The following RABGAP1L variants were observed in gnomAD, a reference collection of about 807,000 sequenced individuals.
The protein encoded by RABGAP1L is rab GTPase-activating protein 1-like.
Under a neutral mutation model 137.7 loss-of-function variants are expected in RABGAP1L, and 63 were observed. The ratio of observed to expected loss-of-function variants is 0.46; its 90% confidence interval spans 0.37 to 0.56. RABGAP1L has a LOEUF of 0.56. Ranked by LOEUF, RABGAP1L falls within the 20% of genes least tolerant of loss-of-function variation. The probability of loss-of-function intolerance (pLI) is 0.00; values close to 1 mark genes in which losing one functional copy is unlikely to be tolerated. For missense variants in RABGAP1L, 1,095 were observed against 1,244.0 expected, an observed-to-expected ratio of 0.88 and a Z score of 1.80; for synonymous variants, 431 against 433.7, an observed-to-expected ratio of 0.99 and a Z score of 0.08.
rs114127843 is a variant in RABGAP1L, at chr1:174,822,569, T to G, written c.2340+10609T>G. Among the ~76,000 whole-genome samples the G allele has an allele frequency of 3.3e-3, 507 of 152,326 alleles. 2 individuals carry two copies. Among genetic ancestry groups the G allele is most frequent in the African/African-American group, 0.012 (492 of 41,576 alleles). ...CAGTGGTCTCCTACCAGGGATCATT[T>G]TCATGGAAGACAATTTTTCCATGGT... On this transcript the variant is annotated intron_variant, in intron 19 of 25. Transcript: ENST00000681986.
At chr1:174,205,073 C>T (rs1486810086) in intron 1 of RABGAP1L, among the ~76,000 whole-genome samples, 1 of 152,028 alleles carries the variant, frequency 6.6e-6, no homozygotes, top group Admixed American at 6.6e-5. Flanking sequence ...TGGTTTTTGT[C>T]TTTAGTTCTG....
chr1:174,505,780 C>T (rs1558291841), intron 13 of RABGAP1L, among the ~76,000 whole-genome samples: 1 of 152,082 alleles, frequency 6.6e-6, no homozygotes, highest in Admixed American at 6.5e-5. Flanking sequence ...CCATAGGATC[C>T]AGTAATCCCA....
chr1:174,823,047 A>G (rs1442873761), intron 19 of RABGAP1L, among the ~76,000 whole-genome samples: 1 of 152,236 alleles, frequency 6.6e-6, no homozygotes, highest in Non-Finnish European at 1.5e-5. Flanking sequence ...GCCTTTATAG[A>G]CGTTCCAAAA....
intron 11 of RABGAP1L, among the ~76,000 whole-genome samples, chr1:174,368,495 G>T (rs1310071532): frequency 1.3e-5 from 2 of 152,162 alleles, no homozygotes; most frequent in Non-Finnish European, 2.9e-5. Context: ...CTCTGTCAAT[G>T]TAATTGGTAG....
chr1:174,192,566 C>T (rs1667287249), intron 1 of RABGAP1L, among the ~76,000 whole-genome samples: 1 of 152,136 alleles, frequency 6.6e-6, no homozygotes, highest in African/African-American at 2.4e-5. Flanking sequence ...AGGTGATCCA[C>T]CTGTCTCGGC....
At chr1:174,502,008 T>C (rs1380908374) in intron 13 of RABGAP1L, among the ~76,000 whole-genome samples, 1 of 151,642 alleles carries the variant, frequency 6.6e-6, no homozygotes, top group African/African-American at 2.4e-5. Flanking sequence ...CTATTATCTT[T>C]GGAAACTCTT....
chr1:174,207,372 A>C (rs748474408), intron 1 of RABGAP1L, among the ~76,000 whole-genome samples: 34 of 152,156 alleles, frequency 2.2e-4, no homozygotes, highest in Non-Finnish European at 3.7e-4. Context: ...ATTTCTTTTG[A>C]TTTGAAATAA....
At chr1:174,735,168 G>GGTCTTGCC (rs796970504) in intron 17 of RABGAP1L, among the ~76,000 whole-genome samples, 10 of 151,426 alleles carry the variant, frequency 6.6e-5, no homozygotes, top group African/African-American at 2.4e-4. Context: ...GTAGAGACAG[G>GGTCTTGCC]GTCTTGCCAT....
intron 13 of RABGAP1L, among the ~76,000 whole-genome samples, chr1:174,554,751 G>T (rs1666768711): frequency 6.6e-6 from 1 of 151,956 alleles, no homozygotes; most frequent in Non-Finnish European, 1.5e-5. Flanking sequence ...ATGTTTGTGG[G>T]GGGTGAGTCT....
At chr1:174,524,636 T>G (rs1663717397) in intron 13 of RABGAP1L, among the ~76,000 whole-genome samples, 1 of 152,202 alleles carries the variant, frequency 6.6e-6, no homozygotes, top group Non-Finnish European at 1.5e-5. Context: ...GTGCAGAAGC[T>G]TATTAGTTTA....
intron 22 of RABGAP1L, among the ~76,000 whole-genome samples, chr1:174,977,250 A>G (rs1226313874): frequency 6.6e-6 from 1 of 152,218 alleles, no homozygotes; most frequent in African/African-American, 2.4e-5. Flanking sequence ...TGATTTAATG[A>G]GTCTTTGGCA....
chr1:174,216,147 G>C (rs1444030163), intron 1 of RABGAP1L, among the ~76,000 whole-genome samples: 1 of 152,136 alleles, frequency 6.6e-6, no homozygotes, highest in East Asian at 1.9e-4. Flanking sequence ...AGCTGAAAAG[G>C]GTAGTGGGAA....
chr1:174,557,526 C>T (rs1666954518), intron 13 of RABGAP1L, among the ~76,000 whole-genome samples: 1 of 152,212 alleles, frequency 6.6e-6, no homozygotes, highest in South Asian at 2.1e-4. Flanking sequence ...GATGTAAGAG[C>T]AGGTGCTAGC....
intron 11 of RABGAP1L, among the ~76,000 whole-genome samples, chr1:174,337,543 A>C (rs1681594875): frequency 6.6e-6 from 1 of 152,208 alleles, no homozygotes; most frequent in Non-Finnish European, 1.5e-5. Flanking sequence ...GATTTGAGCT[A>C]GGACATAGCA....
intron 13 of RABGAP1L, among the ~76,000 whole-genome samples, chr1:174,403,850 A>G (rs1348335179): frequency 1.3e-5 from 2 of 150,970 alleles, no homozygotes; most frequent in Non-Finnish European, 3.0e-5. Flanking sequence ...TTTGCATTCT[A>G]AAATTTGACT....
intron 19 of RABGAP1L, among the ~76,000 whole-genome samples, chr1:174,827,327 T>C (rs902530266): frequency 1.1e-4 from 17 of 152,184 alleles, no homozygotes; most frequent in Non-Finnish European, 5.9e-5. Context: ...TCTCTTTTTA[T>C]AAGGACACCA....
At chr1:174,753,519 A>T (rs1684497777) in intron 18 of RABGAP1L, among the ~76,000 whole-genome samples, 1 of 152,172 alleles carries the variant, frequency 6.6e-6, no homozygotes, top group Non-Finnish European at 1.5e-5. Flanking sequence ...CATAAGATAC[A>T]CTTTTTAAAA....
chr1:174,356,591 A>G (rs1419053769), intron 11 of RABGAP1L, among the ~76,000 whole-genome samples: 3 of 151,876 alleles, frequency 2.0e-5, no homozygotes, highest in Admixed American at 6.6e-5. Context: ...TTTTCAAAGC[A>G]GAGAGTGACC....
At chr1:174,636,300 C>T (rs987736486) in intron 13 of RABGAP1L, among the ~76,000 whole-genome samples, 6 of 151,996 alleles carry the variant, frequency 3.9e-5, no homozygotes, top group Non-Finnish European at 7.4e-5. Context: ...GGGTGAATCA[C>T]GAGGTCAGGA....
Sources: gnomAD v4.1 joint callset for allele counts (sites outside exome capture counted in the v4.1 genomes callset) on GRCh38, gnomAD v4.1.1 for gene constraint, MANE v1.5 for transcripts, NCBI Gene and HGNC (gene_info 2026-07-23, HGNC 2026-07-21) for gene names.